Variants in TEKT3 observed in about 807,000 individuals in gnomAD.
TEKT3 encodes the protein tektin 3.
A neutral mutation model predicts 49.8 loss-of-function variants in TEKT3; 49 were observed. The observed-to-expected ratio is 0.98, with a 90% confidence interval of 0.78 to 1.25. The LOEUF is 1.25. Ranked by LOEUF, TEKT3 falls within the 50% of genes most tolerant of loss-of-function variation. The probability of loss-of-function intolerance (pLI) is 0.00; values close to 1 mark genes in which losing one functional copy is unlikely to be tolerated. For missense variants in TEKT3, 595 were observed against 629.5 expected (o/e 0.95, Z 0.59); for synonymous variants, 225 against 237.2 (o/e 0.95, Z 0.47).
intron 7 of TEKT3, among the ~76,000 whole-genome samples, chr17:15,311,179 A>G (rs558989294): frequency 1.3e-5 from 2 of 152,364 alleles, no homozygotes; most frequent in South Asian, 2.1e-4. Flanking sequence ...TCTTCACAGC[A>G]TGGAACACAC....
At chr17:15,317,496 A>G (rs1911059113) in intron 5 of TEKT3, among the ~76,000 whole-genome samples, 1 of 152,156 alleles carries the variant, frequency 6.6e-6, no homozygotes, top group Non-Finnish European at 1.5e-5. Context: ...CCAATTTCCA[A>G]ATTAAAAAAC....
At position 15,328,032 on chromosome 17, in the gene TEKT3, A is replaced by T. The variant is rs1911563182; in HGVS notation, c.623T>A (p.Ile208Asn). 6.2e-7 allele frequency: 1 copy of T among 1,614,114 alleles called. No homozygotes were observed. Among genetic ancestry groups the T allele is most frequent in the Admixed American group, 1.7e-5 (1 of 60,028 alleles). Residue 208 changes from isoleucine to asparagine, a missense_variant, in exon 4 of 9, where the codon ATC (isoleucine) becomes AAC (asparagine). By Grantham distance (149) the Ile-to-Asn change is moderately radical. Transcript: ENST00000395930. ...CLFHREKRMGIDLVHDEVEAQ... is the reference protein window; with the variant it reads ...CLFHREKRMGNDLVHDEVEAQ... ...TTCAACTTCATCGTGAACTAGGTCG[A>T]TTCCCATTCTCTTTTCTCGATGAAA... is the stretch of plus-strand genomic sequence containing the variant.
In TEKT3 at chr17:15,303,906, G is replaced by T; in HGVS notation, c.*30C>A. 1 of 1,601,708 alleles carries T rather than the reference G, an allele frequency of 6.2e-7. No homozygotes were observed. Among genetic ancestry groups the T allele is most frequent in the South Asian group, 1.1e-5 (1 of 90,686 alleles). ...AGTGCTCTGGCTCAGCCTTAACTTA[G>T]GGGTATCAAAACCACACCCGGTGGG... On this transcript the variant is annotated 3_prime_UTR_variant, in exon 9 of 9. Transcript: ENST00000395930.
Position 15,314,237 on chromosome 17 carries a change from TAC to T in TEKT3, c.735-9_735-8del. ...CTGGGACGCTCTGTTGGCTCTGCAA[TAC>T]AGAGTCGGGAAGTGGAGCTTCACAC... On this transcript the variant is annotated splice_region_variant and splice_polypyrimidine_tract_variant and intron_variant, in intron 5 of 8. Coordinates refer to ENST00000395930, the MANE Select transcript of TEKT3 (RefSeq NM_031898.3). 1 of 1,614,132 alleles carries T rather than the reference TAC, an allele frequency of 6.2e-7. No homozygotes were observed. The highest frequency in any genetic ancestry group is 8.5e-7 in the Non-Finnish European group (1 of 1,180,018).
intron 2 of TEKT3, among the ~76,000 whole-genome samples, chr17:15,332,996 AATCATTTGATAT>A (rs1482327474): frequency 6.6e-6 from 1 of 151,708 alleles, no homozygotes; most frequent in Non-Finnish European, 1.5e-5. Context: ...GAATTATCCT[AATCATTTGATAT>A]ATCATTGTAG....
chr17:15,319,562 A>G (rs1298820662), intron 4 of TEKT3, among the ~76,000 whole-genome samples: 1 of 152,210 alleles, frequency 6.6e-6, no homozygotes, highest in Non-Finnish European at 1.5e-5. Flanking sequence ...AAGCACAACC[A>G]AAAGAAGCTT....
chr17:15,331,505 A>T lies in TEKT3; in HGVS notation c.81T>A (p.Ser27Arg), dbSNP rs1567583483. Residue 27 changes from serine (S) to arginine (R), a missense_variant, in exon 3 of 9, where the codon AGT (serine) becomes AGA (arginine). Physicochemically the swap from Ser to Arg is moderately radical, Grantham distance 110 (BLOSUM62 -1). Transcript: ENST00000395930. The part of the protein sequence containing the change: ...PTPTNFLPAI[S>R]TMASSYRDRF... ...GGTCCCTGTAGCTTGAGGCCATGGT[A>T]CTGATGGCTGGTAGAAAGTTGGTTG... 2 of 1,614,148 alleles carry T rather than the reference A, an allele frequency of 1.2e-6. No individual in the cohort carries two copies. Among genetic ancestry groups the T allele is most frequent in the South Asian group, 2.2e-5 (2 of 91,068 alleles).
rs757016801 is a variant in TEKT3 at position 15,308,787 on chromosome 17, G to A, written c.1133C>T (p.Thr378Ile). The A allele has an allele frequency of 1.9e-6, 3 of 1,613,892 alleles. No homozygotes were observed. The highest frequency in any genetic ancestry group is 1.1e-5 in the South Asian group (1 of 91,076). Residue 378 changes from threonine (T) to isoleucine (I), a missense_variant, in exon 8 of 9, where the codon ACC (threonine) becomes ATC (isoleucine). Thr to Ile is a moderately conservative substitution (Grantham distance 89). Coordinates refer to ENST00000395930, the MANE Select transcript of TEKT3 (RefSeq NM_031898.3). ...TLQEIFQTEM[T>I]IESIKKAIKD... Reference sequence around the variant, plus strand: ...GATGGCCTTCTTGATGGATTCTATGGTCATTTCAGTCTGGAAAATCTCCTG... The same window carrying A: ...GATGGCCTTCTTGATGGATTCTATGATCATTTCAGTCTGGAAAATCTCCTG...
chr17:15,338,401 C>T (rs1276609039), intron 2 of TEKT3: 2 of 152,062 alleles, frequency 1.3e-5, no homozygotes, highest in African/African-American at 4.8e-5. Context: ...TTCTACCAAA[C>T]TTTTAAGGAA....
intron 3 of TEKT3, among the ~76,000 whole-genome samples, chr17:15,328,964 A>G (rs909545362): frequency 6.6e-6 from 1 of 152,200 alleles, no homozygotes; most frequent in Non-Finnish European, 1.5e-5. Flanking sequence ...CTTTAAGTGA[A>G]TCTCTAATTG....
intron 8 of TEKT3, among the ~76,000 whole-genome samples, chr17:15,306,083 A>G (rs867327259): frequency 8.4e-5 from 11 of 130,572 alleles, no homozygotes; most frequent in African/African-American, 3.6e-4. Context: ...CAGTTTATTT[A>G]TATATATGTG....
Position 15,319,115 on chromosome 17 carries a change from T to C in TEKT3, c.696A>G (p.Arg232=). ...EVDTILCCQE[R]MKLHLDKAIA... is the part of the protein sequence containing the mutation. ...TAGCCTTATCCAAATGTAGCTTCAT[T>C]CTTTCTTGACAACACAGAATAGTAT... Residue 232 remains arginine, a synonymous_variant, in exon 5 of 9, where the codon AGA becomes AGG. Transcript: ENST00000395930. The C allele has an allele frequency of 6.2e-7, 1 of 1,612,172 alleles. No individual in the cohort carries two copies. Among genetic ancestry groups the C allele is most frequent in the Non-Finnish European group, 8.5e-7 (1 of 1,179,310 alleles).
At chr17:15,330,928 CAAT>C (rs1911698977) in intron 3 of TEKT3, 76 bp downstream of exon 3, 1 of 1,366,646 alleles carries the variant, frequency 7.3e-7, no homozygotes, top group East Asian at 2.5e-5. Context: ...AAACATAAGT[CAAT>C]AAATAAATAA....
intron 2 of TEKT3, among the ~76,000 whole-genome samples, chr17:15,335,024 C>A (rs1039620313): frequency 8.8e-6 from 1 of 114,082 alleles, no homozygotes; most frequent in African/African-American, 4.3e-5. Flanking sequence ...CCTCAGACAA[C>A]AGGCATCATA....
At chr17:15,330,111 A>G (rs971610178) in intron 3 of TEKT3, among the ~76,000 whole-genome samples, 1 of 152,198 alleles carries the variant, frequency 6.6e-6, no homozygotes, top group East Asian at 1.9e-4. Flanking sequence ...TATTTAATCA[A>G]GCAAATTCCA....
At chr17:15,328,708 T>C (rs1911588829) in intron 3 of TEKT3, among the ~76,000 whole-genome samples, 1 of 152,192 alleles carries the variant, frequency 6.6e-6, no homozygotes, top group African/African-American at 2.4e-5. Flanking sequence ...TTTTTAGTAT[T>C]GACATTAAAC....
At chr17:15,307,825 A>G (rs1910610730) in intron 8 of TEKT3, among the ~76,000 whole-genome samples, 1 of 152,176 alleles carries the variant, frequency 6.6e-6, no homozygotes, top group African/African-American at 2.4e-5. Context: ...TAAGAATAGC[A>G]ATGATGAAAC....
chr17:15,318,191 G>T (rs1911098475), intron 5 of TEKT3, among the ~76,000 whole-genome samples: 1 of 151,532 alleles, frequency 6.6e-6, no homozygotes, highest in African/African-American at 2.4e-5. Context: ...GACTTTCATG[G>T]TGTTAGCCAG....
At chr17:15,317,773 A>T (rs1014642074) in intron 5 of TEKT3, among the ~76,000 whole-genome samples, 1 of 151,852 alleles carries the variant, frequency 6.6e-6, no homozygotes, top group Non-Finnish European at 1.5e-5. Context: ...ATTGCCTGAG[A>T]CCTTCTTTAT....
Sources: gnomAD v4.1 joint callset for allele counts (sites outside exome capture counted in the v4.1 genomes callset) on GRCh38, gnomAD v4.1.1 for gene constraint, MANE v1.5 for transcripts, NCBI Gene and HGNC (gene_info 2026-07-23, HGNC 2026-07-21) for gene names.